The following RYR3 variants were observed in gnomAD, a reference collection of about 807,000 sequenced individuals.
RYR3 encodes ryanodine receptor 3, also known as brain ryanodine receptor-calcium release channel.
A neutral mutation model predicts 584.3 loss-of-function variants in RYR3; 207 were observed. That is an observed-to-expected ratio of 0.35 (90% CI 0.32 to 0.40). The LOEUF is 0.40. RYR3 is among the 10% of genes least tolerant of loss of function. The probability of loss-of-function intolerance (pLI) is 1.00; values close to 1 mark genes in which losing one functional copy is unlikely to be tolerated. For missense variants in RYR3, 5,616 were observed against 6,089.2 expected (o/e 0.92, Z 2.59); for synonymous variants, 2,416 against 2,248.5 (o/e 1.07, Z -2.11).
At chr15:33,672,802 G>T (rs2063927182) in intron 38 of RYR3, among the ~76,000 whole-genome samples, 2 of 152,132 alleles carry the variant, frequency 1.3e-5, no homozygotes, top group African/African-American at 4.8e-5. Flanking sequence ...CAATGAATTG[G>T]CAGTTTACTG....
intron 4 of RYR3, among the ~76,000 whole-genome samples, chr15:33,532,602 A>G (rs896864678): frequency 6.7e-6 from 1 of 150,230 alleles, no homozygotes; most frequent in African/African-American, 2.4e-5. Context: ...TAAATACTCA[A>G]TAACATAATA....
rs115633362 is a variant in RYR3, at chr15:33,726,249, A to G, written c.6913-137A>G. 7.3e-3 allele frequency: 6,482 copies of G among 883,228 alleles called. 315 individuals carry two copies. The African/African-American group carries it at 0.099, about 14-fold the overall frequency. 54.7% of individuals were successfully genotyped at this position (883,228 alleles called of 1,614,324 possible). A position where few individuals can be genotyped will look rare whatever the true frequency, so the allele number is the denominator to read the frequency against. On this transcript the variant is annotated intron_variant, in intron 45 of 103. Coordinates refer to ENST00000634891, the MANE Select transcript of RYR3 (RefSeq NM_001036.6). ...ACTCTCCTCTTTCCCTGTGGCCACAAGTGTCTGTAGCAATTAGGGAAACAT... is the reference window on the plus strand; with the variant it reads ...ACTCTCCTCTTTCCCTGTGGCCACAGGTGTCTGTAGCAATTAGGGAAACAT...
intron 42 of RYR3, among the ~76,000 whole-genome samples, chr15:33,702,060 G>C (rs954585975): frequency 2.0e-5 from 3 of 152,266 alleles, no homozygotes; most frequent in Admixed American, 6.5e-5. Context: ...GTGACCCTCA[G>C]ACCAAGCCCT....
intron 43 of RYR3, among the ~76,000 whole-genome samples, chr15:33,709,850 G>A (rs999818144): frequency 6.6e-6 from 1 of 152,180 alleles, no homozygotes; most frequent in African/African-American, 2.4e-5. Flanking sequence ...GGTAAGACAT[G>A]CGGTTTAAAA....
intron 9 of RYR3, among the ~76,000 whole-genome samples, chr15:33,548,844 G>C (rs1277396806): frequency 6.6e-6 from 1 of 152,146 alleles, no homozygotes; most frequent in African/African-American, 2.4e-5. Flanking sequence ...AGTTAGGCTA[G>C]AGCTAAACTG....
chr15:33,720,768 A>G (rs1325890449), intron 43 of RYR3, among the ~76,000 whole-genome samples: 1 of 152,074 alleles, frequency 6.6e-6, no homozygotes, highest in African/African-American at 2.4e-5. Context: ...CAGCTACTCA[A>G]GAGGCCGAGG....
chr15:33,708,480 C>T (rs1454008905), intron 43 of RYR3, among the ~76,000 whole-genome samples: 1 of 152,130 alleles, frequency 6.6e-6, no homozygotes, highest in Admixed American at 6.5e-5. Flanking sequence ...GGGTTAGGTA[C>T]AACAATATTG....
chr15:33,686,965 T>TACTG (rs2065056290), intron 38 of RYR3, among the ~76,000 whole-genome samples: 1 of 151,388 alleles, frequency 6.6e-6, no homozygotes. Context: ...GCCAATATCA[T>TACTG]AATGGGCAGA....
intron 98 of RYR3, among the ~76,000 whole-genome samples, chr15:33,857,458 G>A (rs994304893): frequency 6.6e-6 from 1 of 152,038 alleles, no homozygotes; most frequent in Admixed American, 6.5e-5. Flanking sequence ...TTTGAAGGCT[G>A]TATCTCCATC....
intron 1 of RYR3, among the ~76,000 whole-genome samples, chr15:33,452,326 G>A (rs187157250): frequency 1.1e-4 from 16 of 152,018 alleles, no homozygotes; most frequent in African/African-American, 3.6e-4. Context: ...GCTTTGGATC[G>A]GTAATCTATC....
rs550712020 is a variant in RYR3 at position 33,812,756 on chromosome 15, TAGA to T, written c.10258-104_10258-102del. On this transcript the variant is annotated intron_variant, in intron 72 of 103. Coordinates refer to ENST00000634891, the MANE Select transcript of RYR3 (RefSeq NM_001036.6). ...TGAGAAAATGAAAGTGAAGTGATAA[TAGA>T]AGGAGAGTCTTGACTCCTACAGAAC... 1,155 of 1,030,316 alleles carry T rather than the reference TAGA, an allele frequency of 1.1e-3. 6 individuals carry two copies. The African/African-American group carries it at 0.016, about 15-fold the overall frequency. The allele number at this position is 1,030,316 out of a possible 1,614,324, so 63.8% of individuals were successfully genotyped here.
rs1369124602 is a variant in RYR3, at chr15:33,865,663, A to AGTCT, written c.*438_*441dup. 2.6e-5 allele frequency: 4 copies of AGTCT among 156,088 alleles called. No individual in the cohort carries two copies. Among genetic ancestry groups the AGTCT allele is most frequent in the African/African-American group, 9.7e-5 (4 of 41,152 alleles). The allele number at this position is 156,088 out of a possible 1,614,324, so 9.7% of individuals were successfully genotyped here. A position where few individuals can be genotyped will look rare whatever the true frequency, so the allele number is the denominator to read the frequency against. On this transcript the variant is annotated 3_prime_UTR_variant, in exon 104 of 104. Coordinates refer to ENST00000634891, the MANE Select transcript of RYR3 (RefSeq NM_001036.6). ...ACTCACTCCAAAAGATAATAACTGCAGTCTAATTTTTCCCATGGTACTTGC... is the reference window on the plus strand; with the variant it reads ...ACTCACTCCAAAAGATAATAACTGCAGTCTGTCTAATTTTTCCCATGGTACTTGC...
chr15:33,392,608 T>A (rs1334628912), intron 1 of RYR3, among the ~76,000 whole-genome samples: 1 of 152,148 alleles, frequency 6.6e-6, no homozygotes, highest in African/African-American at 2.4e-5. Context: ...GGCTACTCCC[T>A]GCATCATTAA....
chr15:33,584,571 A>G, intron 15 of RYR3, 81 bp downstream of exon 15: 1 of 659,332 alleles, frequency 1.5e-6, no homozygotes, highest in Non-Finnish European at 2.6e-6. Flanking sequence ...ACAAAGTTGA[A>G]TCTTTTCCAA....
At chr15:33,791,742 T>C (rs1279718324) in intron 67 of RYR3, among the ~76,000 whole-genome samples, 2 of 151,940 alleles carry the variant, frequency 1.3e-5, no homozygotes, top group South Asian at 2.1e-4. Flanking sequence ...TTTTGCAAAG[T>C]GAGTATAACA....
intron 67 of RYR3, among the ~76,000 whole-genome samples, chr15:33,799,408 T>C (rs1458749542): frequency 6.6e-6 from 1 of 151,878 alleles, no homozygotes; most frequent in Non-Finnish European, 1.5e-5. Flanking sequence ...GGCCAGGGGT[T>C]TCACCAATCA....
chr15:33,786,654 G>T (rs1426120134), intron 66 of RYR3, among the ~76,000 whole-genome samples: 1 of 152,142 alleles, frequency 6.6e-6, no homozygotes, highest in East Asian at 1.9e-4. Flanking sequence ...TGTCCTCTGT[G>T]TCAAACTACA....
Position 33,731,583 on chromosome 15 carries a change from G to A in RYR3, c.7313G>A (p.Cys2438Tyr). Residue 2438 changes from cysteine to tyrosine, a missense_variant, in exon 48 of 104, where the codon TGC becomes TAC. This residue lies in a region of RYR3 where 1,280 missense variants were observed against 1,426.2 expected (regional missense o/e 0.90). Transcript: ENST00000634891. ...CAPLFAGTEH[C>Y]TSLIDSTLQT... The stretch of plus-strand genomic sequence containing the variant: ...CCTCTCTTTGCCGGAACAGAACACT[G>A]CACCTCTCTGATTGATTCCACACTG... 1 of 1,613,736 alleles carries A rather than the reference G, an allele frequency of 6.2e-7. No individual in the cohort carries two copies. The highest frequency in any genetic ancestry group is 8.5e-7 in the Non-Finnish European group (1 of 1,179,678).
At chr15:33,579,321 T>C (rs540519545) in intron 12 of RYR3, among the ~76,000 whole-genome samples, 1 of 152,084 alleles carries the variant, frequency 6.6e-6, no homozygotes, top group East Asian at 1.9e-4. Flanking sequence ...AGAAACGTGA[T>C]GAGAAAAACA....
Sources: allele counts gnomAD v4.1 joint callset (sites outside exome capture counted in the v4.1 genomes callset), GRCh38; gene constraint gnomAD v4.1.1; regional missense constraint gnomAD v4.1.1; transcripts MANE v1.5; gene names NCBI Gene and HGNC (gene_info 2026-07-23, HGNC 2026-07-21).